Variants in STXBP5L observed in about 807,000 individuals in gnomAD.
STXBP5L encodes the protein syntaxin binding protein 5L, also known as syntaxin-binding protein 5-like.
Under a neutral mutation model 144.5 loss-of-function variants are expected in STXBP5L, and 65 were observed. The observed-to-expected ratio is 0.45, with a 90% CI of 0.37 to 0.55. The LOEUF (loss-of-function observed/expected upper bound fraction) is 0.55. Ranked by LOEUF, STXBP5L falls within the 20% of genes least tolerant of loss-of-function variation. The probability of loss-of-function intolerance (pLI) is 0.00; values close to 1 mark genes in which losing one functional copy is unlikely to be tolerated. For missense variants in STXBP5L, 1,298 were observed against 1,405.5 expected (o/e 0.92, Z 1.22); for synonymous variants, 505 against 469.6 (o/e 1.08, Z -0.97).
At chr3:120,952,101 A>G (rs2107690830) in intron 2 of STXBP5L, among the ~76,000 whole-genome samples, 1 of 150,762 alleles carries the variant, frequency 6.6e-6, no homozygotes, top group Admixed American at 6.7e-5. Flanking sequence ...TGGGAATTGA[A>G]CAATGAGAAC....
chr3:121,033,398 A>C, intron 3 of STXBP5L, among the ~76,000 whole-genome samples: 1 of 109,350 alleles, frequency 9.1e-6, no homozygotes, highest in South Asian at 3.7e-4. Flanking sequence ...AGGAAGGGGA[A>C]TATCACACTC....
At chr3:121,200,457 G>A (rs1020744992) in intron 9 of STXBP5L, among the ~76,000 whole-genome samples, 1 of 152,122 alleles carries the variant, frequency 6.6e-6, no homozygotes, top group African/African-American at 2.4e-5. Context: ...TTTTTGAAGA[G>A]TTTCTCATGT....
At chr3:121,285,270 G>T (rs893049916) in intron 19 of STXBP5L, among the ~76,000 whole-genome samples, 1 of 151,930 alleles carries the variant, frequency 6.6e-6, no homozygotes, top group Non-Finnish European at 1.5e-5. Flanking sequence ...TGAGAAAATT[G>T]AAGTTGAAAA....
At chr3:120,923,688 G>A (rs1024522364) in intron 2 of STXBP5L, among the ~76,000 whole-genome samples, 20 of 152,020 alleles carry the variant, frequency 1.3e-4, no homozygotes, top group Non-Finnish European at 2.2e-4. Flanking sequence ...ATTCCATTGT[G>A]ATCATAAAAG....
intron 5 of STXBP5L, among the ~76,000 whole-genome samples, chr3:121,047,546 T>G (rs1947604088): frequency 6.6e-6 from 1 of 152,200 alleles, no homozygotes; most frequent in Non-Finnish European, 1.5e-5. Context: ...CTGTGTTGGG[T>G]GCATATATAT....
chr3:121,376,173 G>A (rs2046177866), intron 20 of STXBP5L, among the ~76,000 whole-genome samples: 1 of 152,102 alleles, frequency 6.6e-6, no homozygotes, highest in Non-Finnish European at 1.5e-5. Flanking sequence ...CCATTAGGTA[G>A]GTAATAATAT....
At chr3:120,942,720 A>G (rs1237905855) in intron 2 of STXBP5L, among the ~76,000 whole-genome samples, 2 of 150,864 alleles carry the variant, frequency 1.3e-5, no homozygotes, top group Non-Finnish European at 3.0e-5. Flanking sequence ...ATTTTCTTGT[A>G]TTTATATGCA....
intron 6 of STXBP5L, among the ~76,000 whole-genome samples, chr3:121,121,356 C>G (rs992983556): frequency 2.6e-5 from 4 of 151,276 alleles, no homozygotes; most frequent in Non-Finnish European, 5.9e-5. Flanking sequence ...TTCAGAGGCG[C>G]TTATCTGACA....
intron 20 of STXBP5L, among the ~76,000 whole-genome samples, chr3:121,338,471 C>T (rs1050039270): frequency 6.6e-6 from 1 of 151,380 alleles, no homozygotes; most frequent in East Asian, 1.9e-4. Flanking sequence ...TGATGAAACC[C>T]TGTCTCTACT....
chr3:121,205,687 A>G (rs1032168903), intron 9 of STXBP5L, among the ~76,000 whole-genome samples: 3 of 152,228 alleles, frequency 2.0e-5, no homozygotes, highest in Admixed American at 6.5e-5. Flanking sequence ...GATAAAAGTT[A>G]TATAATTTTA....
chr3:121,413,906 T>C (rs1439799034), intron 24 of STXBP5L, among the ~76,000 whole-genome samples: 5 of 152,150 alleles, frequency 3.3e-5, no homozygotes, highest in Non-Finnish European at 2.9e-5. Flanking sequence ...CTAAAACATA[T>C]TTATTATAAT....
At chr3:121,271,114 TTC>T (rs1384263008) in intron 18 of STXBP5L, among the ~76,000 whole-genome samples, 2 of 152,336 alleles carry the variant, frequency 1.3e-5, no homozygotes, top group East Asian at 1.9e-4. Flanking sequence ...CCATTGGTTA[TTC>T]TCTGTTACCC....
chr3:121,012,150 T>A (rs1262572435), intron 3 of STXBP5L, among the ~76,000 whole-genome samples: 1 of 151,932 alleles, frequency 6.6e-6, no homozygotes, highest in African/African-American at 2.4e-5. Flanking sequence ...TTGATTTTTT[T>A]ATTGGCAAAT....
At chr3:121,373,865 A>G (rs1034459910) in intron 20 of STXBP5L, among the ~76,000 whole-genome samples, 2 of 152,144 alleles carry the variant, frequency 1.3e-5, no homozygotes, top group African/African-American at 4.8e-5. Flanking sequence ...CAGGCACCAG[A>G]GGACCCACCT....
chr3:121,282,318 G>C, intron 19 of STXBP5L: 1 of 1,611,744 alleles, frequency 6.2e-7, no homozygotes, highest in Admixed American at 1.7e-5. Context: ...TAACGAAACG[G>C]ATCCGTACTT....
intron 20 of STXBP5L, among the ~76,000 whole-genome samples, chr3:121,338,570 G>T (rs2044589945): frequency 7.4e-6 from 1 of 134,238 alleles, no homozygotes; most frequent in African/African-American, 2.9e-5. Context: ...CTGAACCTGG[G>T]AGGCAGAGGT....
chr3:121,239,045 A>G lies in STXBP5L; in HGVS notation c.1259A>G (p.Asp420Gly). 2 of 1,610,030 alleles carry G rather than the reference A, an allele frequency of 1.2e-6. No homozygotes were observed. The highest frequency in any genetic ancestry group is 8.5e-7 in the Non-Finnish European group (1 of 1,178,124). Residue 420 changes from aspartate to glycine, a missense_variant, in exon 13 of 27, where the codon GAT becomes GGT. Transcript: ENST00000471454. ...SPVTCTAYFA[D>G]CPPDLILVLY... ...GTTACATGCACAGCATACTTTGCAG[A>G]TTGTCCTCCGGATTTGATTCTAGTA... is the stretch of plus-strand genomic sequence containing the variant.
intron 3 of STXBP5L, among the ~76,000 whole-genome samples, chr3:120,971,747 T>C (rs1363704098): frequency 1.3e-5 from 2 of 148,672 alleles, no homozygotes; most frequent in African/African-American, 2.5e-5. Context: ...TGTATATATA[T>C]ATCACATTTT....
intron 20 of STXBP5L, among the ~76,000 whole-genome samples, chr3:121,333,639 T>C (rs1420671439): frequency 1.3e-5 from 2 of 148,346 alleles, no homozygotes; most frequent in Non-Finnish European, 1.5e-5. Context: ...ACTAGGGTAA[T>C]AAAGAGTAAA....
Sources: allele counts gnomAD v4.1 joint callset (sites outside exome capture counted in the v4.1 genomes callset), GRCh38; gene constraint gnomAD v4.1.1; transcripts MANE v1.5; gene names NCBI Gene and HGNC (gene_info 2026-07-23, HGNC 2026-07-21).